The following DNAJC25 variants were observed in gnomAD, a reference collection of about 807,000 sequenced individuals.
DNAJC25 encodes DnaJ heat shock protein family (Hsp40) member C25, also known as dnaJ homolog subfamily C member 25.
In DNAJC25, 26 loss-of-function variants were observed where a neutral mutation model predicts 42.1. The ratio of observed to expected loss-of-function variants is 0.62; its 90% CI spans 0.45 to 0.86. The LOEUF is 0.86. DNAJC25 is among the 40% of genes least tolerant of loss of function. The pLI, the probability that DNAJC25 is intolerant of heterozygous loss-of-function variation, is 0.00. For missense variants in DNAJC25, 404 were observed against 459.4 expected, an observed-to-expected ratio of 0.88 and a Z score of 1.10; for synonymous variants, 189 against 179.9, an observed-to-expected ratio of 1.05 and a Z score of -0.40.
intron 1 of DNAJC25, among the ~76,000 whole-genome samples, chr9:111,645,528 T>G (rs1830556662): frequency 6.6e-6 from 1 of 152,226 alleles, no homozygotes; most frequent in Non-Finnish European, 1.5e-5. Context: ...GTGCTGGGAT[T>G]ACAGGAGTGA....
intron 1 of DNAJC25, among the ~76,000 whole-genome samples, chr9:111,644,727 G>A (rs1235142108): frequency 6.6e-6 from 1 of 152,202 alleles, no homozygotes; most frequent in African/African-American, 2.4e-5. Context: ...CGTTTCAAAA[G>A]GCATCTGTCA....
intron 3 of DNAJC25, among the ~76,000 whole-genome samples, chr9:111,651,373 A>C (rs1288883162): frequency 6.6e-6 from 1 of 152,142 alleles, no homozygotes; most frequent in Non-Finnish European, 1.5e-5. Flanking sequence ...TTAAAAGTTT[A>C]AAAGTTTTCT....
rs1238051126 is a variant in DNAJC25, at chr9:111,654,254, CAA to C, written c.*1034_*1035del. The stretch of plus-strand genomic sequence containing the variant: ...GACTGAATCAGGCATGATACTGCAC[CAA>C]AGTGTTGGTACATATTCACGGTAGT... On this transcript the variant is annotated 3_prime_UTR_variant, in exon 4 of 4. Coordinates refer to ENST00000313525, the MANE Select transcript of DNAJC25 (RefSeq NM_001015882.3). 1 of 152,118 alleles carries C rather than the reference CAA, an allele frequency of 6.6e-6. No individual in the cohort carries two copies. Among genetic ancestry groups the C allele is most frequent in the Non-Finnish European group, 1.5e-5 (1 of 68,024 alleles). 9.4% of individuals were successfully genotyped at this position (152,118 alleles called of 1,614,324 possible).
At chr9:111,632,204 A>C (rs149274399) in intron 1 of DNAJC25, among the ~76,000 whole-genome samples, 1 of 152,248 alleles carries the variant, frequency 6.6e-6, no homozygotes, top group Non-Finnish European at 1.5e-5. Flanking sequence ...TTAAGGAACT[A>C]AGAAAACACT....
chr9:111,640,167 A>G (rs1830430120), intron 1 of DNAJC25, among the ~76,000 whole-genome samples: 1 of 151,578 alleles, frequency 6.6e-6, no homozygotes. Flanking sequence ...ACCGCGAGTG[A>G]TCCGCCAACC....
At chr9:111,640,093 C>T (rs978617743) in intron 1 of DNAJC25, among the ~76,000 whole-genome samples, 16 of 151,618 alleles carry the variant, frequency 1.1e-4, no homozygotes, top group African/African-American at 2.9e-4. Context: ...CGCGCCGCCA[C>T]GCCTGATTGG....
At chr9:111,637,113 G>A (rs1192987182) in intron 1 of DNAJC25, among the ~76,000 whole-genome samples, 4 of 152,140 alleles carry the variant, frequency 2.6e-5, no homozygotes, top group East Asian at 1.9e-4. Context: ...CAGATTTATC[G>A]TAGGTAAATG....
Position 111,649,939 on chromosome 9 carries a change from G to A in DNAJC25, c.960+16G>A, listed in dbSNP as rs749880884. 5.2e-6 allele frequency: 8 copies of A among 1,536,068 alleles called. No individual in the cohort carries two copies. The Middle Eastern group carries it at 1.2e-3, about 233-fold the overall frequency. On this transcript the variant is annotated intron_variant, in intron 3 of 3. Transcript: ENST00000313525. ...GAATTATGAGGTGAGTAGTCACCCT[G>A]CTGTGATTTAAGTGTCATCCACCTG...
chr9:111,638,801 A>G (rs1388642215), intron 1 of DNAJC25, among the ~76,000 whole-genome samples: 1 of 151,840 alleles, frequency 6.6e-6, no homozygotes, highest in Admixed American at 6.6e-5. Context: ...ACATAATGCT[A>G]TTGTTCTCAT....
In DNAJC25 at chr9:111,654,287, A is replaced by G. The variant is rs1830712624; in HGVS notation, c.*1065A>G. The G allele has an allele frequency of 6.6e-6, 1 of 152,268 alleles. No homozygotes were observed. Among genetic ancestry groups the G allele is most frequent in the Non-Finnish European group, 1.5e-5 (1 of 68,054 alleles). 9.4% of individuals were successfully genotyped at this position (152,268 alleles called of 1,614,324 possible). On this transcript the variant is annotated 3_prime_UTR_variant, in exon 4 of 4. Transcript: ENST00000313525. Reference sequence around the variant, plus strand: ...TGGTACATATTCACGGTAGTAAATCAGTACCCCTGTTAAAGGATTTATCCC... The same window carrying G: ...TGGTACATATTCACGGTAGTAAATCGGTACCCCTGTTAAAGGATTTATCCC...
intron 1 of DNAJC25, among the ~76,000 whole-genome samples, chr9:111,640,919 G>A (rs1459049396): frequency 2.2e-5 from 2 of 91,490 alleles, no homozygotes; most frequent in South Asian, 3.2e-4. Flanking sequence ...CAGCCGTGCC[G>A]TCCGGCCAGC....
chr9:111,651,980 G>A (rs766121404), intron 3 of DNAJC25, among the ~76,000 whole-genome samples: 3 of 152,072 alleles, frequency 2.0e-5, no homozygotes, highest in Non-Finnish European at 4.4e-5. Flanking sequence ...ATGAAAGTAG[G>A]TGTAAGTTCA....
At position 111,653,235 on chromosome 9, in the gene DNAJC25, T is replaced by C; in HGVS notation, c.*13T>C. Reference sequence around the variant, plus strand: ...TGTGGATGACTGAAGATTGATGGAATGCTACTATGCCAAACCTTAATTGTG... The same window carrying C: ...TGTGGATGACTGAAGATTGATGGAACGCTACTATGCCAAACCTTAATTGTG... On this transcript the variant is annotated 3_prime_UTR_variant, in exon 4 of 4. Coordinates refer to ENST00000313525, the MANE Select transcript of DNAJC25 (RefSeq NM_001015882.3). 6.5e-7 allele frequency: 1 copy of C among 1,548,820 alleles called. No homozygotes were observed. Among genetic ancestry groups the C allele is most frequent in the African/African-American group, 1.4e-5 (1 of 72,682 alleles).
At chr9:111,632,160 G>A (rs1460469635) in intron 1 of DNAJC25, among the ~76,000 whole-genome samples, 6 of 151,300 alleles carry the variant, frequency 4.0e-5, no homozygotes. Flanking sequence ...ATTGGTTTCT[G>A]GAAATAGTGT....
At chr9:111,648,578 A>G (rs1347747948) in intron 2 of DNAJC25, among the ~76,000 whole-genome samples, 3 of 152,148 alleles carry the variant, frequency 2.0e-5, no homozygotes, top group South Asian at 2.1e-4. Flanking sequence ...CCGACATTCA[A>G]TTTTTATGAA....
At chr9:111,639,397 G>C (rs1251300637) in intron 1 of DNAJC25, among the ~76,000 whole-genome samples, 2 of 152,194 alleles carry the variant, frequency 1.3e-5, no homozygotes, top group East Asian at 1.9e-4. Context: ...GTTGCATTTA[G>C]AAAATGTTCA....
chr9:111,647,840 A>C (rs187662820), intron 2 of DNAJC25, among the ~76,000 whole-genome samples: 67 of 152,176 alleles, frequency 4.4e-4, no homozygotes, highest in African/African-American at 1.5e-3. Flanking sequence ...GTGCAGTGGC[A>C]CAATTTCGGC....
At chr9:111,652,514 C>CA (rs1308204248) in intron 3 of DNAJC25, among the ~76,000 whole-genome samples, 15,354 of 64,334 alleles carry the variant, frequency 0.24, 1,640 homozygotes, top group East Asian at 0.41. Context: ...GACCCTGTCT[C>CA]AAAAAAAAAA....
intron 1 of DNAJC25, among the ~76,000 whole-genome samples, chr9:111,632,723 GTTGC>G (rs1830304942): frequency 6.8e-6 from 1 of 146,694 alleles, no homozygotes; most frequent in Non-Finnish European, 1.5e-5. Context: ...AATTTTCTAT[GTTGC>G]CAGGTAGCCT....
Sources: gnomAD v4.1 joint callset for allele counts (sites outside exome capture counted in the v4.1 genomes callset) on GRCh38, gnomAD v4.1.1 for gene constraint, MANE v1.5 for transcripts, NCBI Gene and HGNC (gene_info 2026-07-23, HGNC 2026-07-21) for gene names.